CRPPA: variants seen among roughly 807,000 people sequenced by gnomAD.
The protein encoded by CRPPA is CDP-L-ribitol pyrophosphorylase A, also known as D-ribitol-5-phosphate cytidylyltransferase.
In CRPPA, 43 loss-of-function variants were observed where a neutral mutation model predicts 52.0. The ratio of observed to expected loss-of-function variants is 0.83; its 90% confidence interval spans 0.65 to 1.07. The LOEUF (loss-of-function observed/expected upper bound fraction) is 1.07, where lower values mean the gene tolerates loss of function less well. Among genes scored for constraint, CRPPA ranks in the 50% least tolerant of loss-of-function variants. The pLI is 0.00. For synonymous variants in CRPPA, 250 were observed against 203.5 expected, an observed-to-expected ratio of 1.23 and a Z score of -1.94; for missense variants, 629 against 551.7, an observed-to-expected ratio of 1.14 and a Z score of -1.40.
intron 3 of CRPPA, among the ~76,000 whole-genome samples, chr7:16,320,255 C>T (rs1378735033): frequency 6.6e-6 from 1 of 152,004 alleles, no homozygotes; most frequent in Non-Finnish European, 1.5e-5. Flanking sequence ...GATAAATATT[C>T]CAAATTGTCT....
In CRPPA at chr7:16,318,076, C is replaced by T. The variant is rs181341733; in HGVS notation, c.685-9449G>A. Among the ~76,000 whole-genome samples the T allele has an allele frequency of 1.4e-4, 21 of 152,268 alleles. No homozygotes were observed. The East Asian group carries it at 3.3e-3, about 24-fold the overall frequency. On this transcript the variant is annotated intron_variant, in intron 3 of 9. Coordinates refer to ENST00000407010, the MANE Select transcript of CRPPA (RefSeq NM_001101426.4). ...ACAGTCTCTAACTGGAAGCTCCATC[C>T]GTCATCTCTCTTACTTTCTCCTAAC...
intron 8 of CRPPA, among the ~76,000 whole-genome samples, chr7:16,250,937 G>C (rs962816527): frequency 2.0e-5 from 3 of 151,964 alleles, no homozygotes; most frequent in Non-Finnish European, 4.4e-5. Context: ...TGGCAAATTG[G>C]ATAAACAGTC....
At chr7:16,139,196 G>A (rs913398058) in intron 9 of CRPPA, among the ~76,000 whole-genome samples, 1 of 152,182 alleles carries the variant, frequency 6.6e-6, no homozygotes, top group African/African-American at 2.4e-5. Context: ...GGAATCCAAC[G>A]AGGTGGAAAC....
At chr7:16,398,732 A>G (rs6461248) in intron 2 of CRPPA, among the ~76,000 whole-genome samples, 75,782 of 152,130 alleles carry the variant, frequency 0.5, 20,444 homozygotes, top group African/African-American at 0.71. Flanking sequence ...CGTGACCAAC[A>G]CTTAACCAAT....
In CRPPA at chr7:16,342,567, T is replaced by C. The variant is rs144420389; in HGVS notation, c.684+33525A>G. On this transcript the variant is annotated intron_variant, in intron 3 of 9. Coordinates refer to ENST00000407010, the MANE Select transcript of CRPPA (RefSeq NM_001101426.4). ...AAAGTCAATAACGAAGCTTTGTGTA[T>C]TTGGCTCTTATTTCATGTTGATAAT... Among the ~76,000 whole-genome samples the C allele has an allele frequency of 2.4e-3, 368 of 151,562 alleles. 3 individuals are homozygous for C. The highest frequency in any genetic ancestry group is 0.02 in the South Asian group (94 of 4,814).
intron 6 of CRPPA, chr7:16,269,728 C>A (rs995987718): frequency 6.6e-6 from 1 of 152,118 alleles, no homozygotes; most frequent in African/African-American, 2.4e-5. Flanking sequence ...AACCTTGGAA[C>A]CATTGTTTAG....
chr7:16,273,195 A>G (rs1562600536), intron 6 of CRPPA, among the ~76,000 whole-genome samples: 1 of 150,724 alleles, frequency 6.6e-6, no homozygotes, highest in Non-Finnish European at 1.5e-5. Context: ...AATCCCGGGT[A>G]GAAGAGGACA....
At chr7:16,261,378 A>G (rs569909595) in intron 6 of CRPPA, among the ~76,000 whole-genome samples, 57 of 152,190 alleles carry the variant, frequency 3.7e-4, no homozygotes, top group African/African-American at 1.2e-3. Flanking sequence ...GAGATAGCAC[A>G]TTTTAAGTTC....
intron 1 of CRPPA, among the ~76,000 whole-genome samples, chr7:16,411,893 A>C (rs1389350247): frequency 6.6e-6 from 1 of 152,214 alleles, no homozygotes; most frequent in Non-Finnish European, 1.5e-5. Flanking sequence ...TCTACCAGAA[A>C]AAAATGGTTA....
chr7:16,399,347 T>C (rs916203294), intron 2 of CRPPA, among the ~76,000 whole-genome samples: 1 of 151,842 alleles, frequency 6.6e-6, no homozygotes. Flanking sequence ...GATTGACACA[T>C]GACTGACATG....
chr7:16,120,700 A>C (rs1386062534), intron 9 of CRPPA, among the ~76,000 whole-genome samples: 1 of 152,128 alleles, frequency 6.6e-6, no homozygotes, highest in African/African-American at 2.4e-5. Context: ...AACCTCATTG[A>C]AGTCATCCCT....
At chr7:16,355,359 A>G (rs1786267522) in intron 3 of CRPPA, among the ~76,000 whole-genome samples, 1 of 152,152 alleles carries the variant, frequency 6.6e-6, no homozygotes, top group Non-Finnish European at 1.5e-5. Flanking sequence ...TTAAGACATC[A>G]TTACAGTGAT....
At chr7:16,204,117 T>C (rs924044036) in intron 9 of CRPPA, among the ~76,000 whole-genome samples, 2 of 152,198 alleles carry the variant, frequency 1.3e-5, no homozygotes, top group African/African-American at 4.8e-5. Flanking sequence ...ACCTAAGTTA[T>C]AATTTTGCAA....
intron 5 of CRPPA, among the ~76,000 whole-genome samples, chr7:16,291,995 T>C (rs1784573968): frequency 6.6e-6 from 1 of 151,924 alleles, no homozygotes; most frequent in Non-Finnish European, 1.5e-5. Flanking sequence ...TTATGGTAGA[T>C]GAAACACGGT....
intron 8 of CRPPA, among the ~76,000 whole-genome samples, chr7:16,257,730 G>A (rs1783682193): frequency 6.6e-6 from 1 of 152,040 alleles, no homozygotes; most frequent in Admixed American, 6.6e-5. Flanking sequence ...ACAGCAAAAT[G>A]CTACCAACTA....
At chr7:16,376,888 TTTATC>T (rs1484405838) in intron 2 of CRPPA, among the ~76,000 whole-genome samples, 1 of 152,198 alleles carries the variant, frequency 6.6e-6, no homozygotes, top group African/African-American at 2.4e-5. Flanking sequence ...AATTTTTCCC[TTTATC>T]TTTTTTGGAG....
At chr7:16,100,306 TATC>T (rs1157314656) in intron 9 of CRPPA, among the ~76,000 whole-genome samples, 3 of 152,234 alleles carry the variant, frequency 2.0e-5, no homozygotes, top group Non-Finnish European at 4.4e-5. Flanking sequence ...TAATTTATGT[TATC>T]ATAGTTTTTC....
intron 3 of CRPPA, among the ~76,000 whole-genome samples, chr7:16,349,319 T>A (rs2128307514): frequency 6.6e-6 from 1 of 152,178 alleles, no homozygotes; most frequent in South Asian, 2.1e-4. Flanking sequence ...GAATTAGAAA[T>A]CCTCTCACTA....
chr7:16,298,773 A>T (rs76297617), intron 5 of CRPPA, among the ~76,000 whole-genome samples: 11,338 of 152,276 alleles, frequency 0.074, 654 homozygotes, highest in African/African-American at 0.16. Flanking sequence ...GACTTAGAAG[A>T]TCATCCTCAC....
Sources: gnomAD v4.1 joint callset for allele counts (sites outside exome capture counted in the v4.1 genomes callset) on GRCh38, gnomAD v4.1.1 for gene constraint, MANE v1.5 for transcripts, NCBI Gene and HGNC (gene_info 2026-07-23, HGNC 2026-07-21) for gene names.